Variants in ZFYVE9 observed in about 807,000 individuals in gnomAD.
ZFYVE9 encodes the protein zinc finger FYVE-type containing 9.
Under a neutral mutation model 126.7 loss-of-function variants are expected in ZFYVE9, and 43 were observed. That is an observed-to-expected ratio of 0.34 (90% CI 0.27 to 0.44). The LOEUF is 0.44. Among genes scored for constraint, ZFYVE9 ranks in the 20% least tolerant of loss-of-function variants. ZFYVE9 has a pLI of 1.00. For synonymous variants in ZFYVE9, 521 were observed against 597.4 expected (o/e 0.87, Z 1.87); for missense variants, 1,476 against 1,697.0 (o/e 0.87, Z 2.29).
At position 52,266,837 on chromosome 1, in the gene ZFYVE9, G is replaced by GGATC; in HGVS notation, c.2455+7_2455+10dup. 1 of 1,585,966 alleles carries GGATC rather than the reference G, an allele frequency of 6.3e-7. No individual in the cohort carries two copies. The highest frequency in any genetic ancestry group is 8.6e-7 in the Non-Finnish European group (1 of 1,168,058). On this transcript the variant is annotated splice_region_variant and intron_variant, in intron 6 of 18. Transcript: ENST00000287727. ...AAAGCACCCTGGAGCAGAAGGTAGG[G>GGATC]GATCATGTGCTATTCTCTCTCTTTT...
Position 52,332,792 on chromosome 1 carries a change from A to C in ZFYVE9, c.3463A>C (p.Asn1155His). 6.2e-7 allele frequency: 1 copy of C among 1,614,100 alleles called. No homozygotes were observed. The highest frequency in any genetic ancestry group is 2.2e-5 in the East Asian group (1 of 44,882). The change falls in exon 14 of 19, where the codon AAT (asparagine) becomes CAT (histidine). Residue 1155 changes from asparagine (N) to histidine (H), a missense_variant. Transcript: ENST00000287727. ...GATGATGAAAGCCATGAACAAGTCC[A>C]ATGAGCATGTCCTGGCAGGAGGTGC... ...NEMMKAMNKS[N>H]EHVLAGGACF...
chr1:52,306,128 G>A (rs1646082344), intron 13 of ZFYVE9, among the ~76,000 whole-genome samples: 1 of 152,182 alleles, frequency 6.6e-6, no homozygotes. Flanking sequence ...CCAGTCCCAT[G>A]GACTGTAGTG....
intron 4 of ZFYVE9, among the ~76,000 whole-genome samples, chr1:52,248,880 G>A (rs915511701): frequency 6.6e-6 from 1 of 152,046 alleles, no homozygotes; most frequent in Non-Finnish European, 1.5e-5. Context: ...TTCCATTCCC[G>A]TCAACAATTC....
intron 1 of ZFYVE9, among the ~76,000 whole-genome samples, chr1:52,200,397 T>C (rs974419698): frequency 5.3e-5 from 8 of 152,264 alleles, no homozygotes; most frequent in Non-Finnish European, 8.8e-5. Context: ...CCCATGCTGG[T>C]GTTGAACTCC....
chr1:52,238,769 G>C lies in ZFYVE9; in HGVS notation c.1352G>C (p.Gly451Ala), dbSNP rs1393580746. The change falls in exon 4 of 19, where the codon GGA (glycine) becomes GCA (alanine). Residue 451 changes from glycine (G) to alanine (A), a missense_variant. Gly to Ala is a moderately conservative substitution (Grantham distance 60). This residue lies in a region of ZFYVE9 where 807 missense variants were observed against 794.6 expected (regional missense o/e 1.02). Coordinates refer to ENST00000287727, the MANE Select transcript of ZFYVE9 (RefSeq NM_004799.4). ...GLADAGLDLK[G>A]TCISESEECD... ...GCAGATGCAGGTCTAGATTTAAAAG[G>C]AACTTGCATTAGTGAAAGTGAAGAA... 1 of 1,614,048 alleles carries C rather than the reference G, an allele frequency of 6.2e-7. No homozygotes were observed.
At chr1:52,304,672 T>A (rs1646065576) in intron 13 of ZFYVE9, among the ~76,000 whole-genome samples, 1 of 152,180 alleles carries the variant, frequency 6.6e-6, no homozygotes, top group East Asian at 1.9e-4. Flanking sequence ...GAATAAACAT[T>A]ATGTACTTGG....
At chr1:52,150,784 A>G (rs928471988) in intron 1 of ZFYVE9, among the ~76,000 whole-genome samples, 3 of 151,876 alleles carry the variant, frequency 2.0e-5, no homozygotes, top group African/African-American at 4.8e-5. Flanking sequence ...AAAAAAAAAA[A>G]AAGAAGAAAA....
At chr1:52,342,477 A>G (rs967285809) in intron 17 of ZFYVE9, among the ~76,000 whole-genome samples, 4 of 148,484 alleles carry the variant, frequency 2.7e-5, no homozygotes, top group African/African-American at 1.0e-4. Context: ...TCACCGTGTT[A>G]GCCAGGATGG....
chr1:52,186,234 T>C lies in ZFYVE9; in HGVS notation c.-142-30135T>C, dbSNP rs551502852. Among the ~76,000 whole-genome samples the C allele has an allele frequency of 1.2e-4, 18 of 144,170 alleles. No homozygotes were observed. In the East Asian group the frequency reaches 2.2e-3, roughly 18 times the overall value. 94.6% of individuals were successfully genotyped at this position (144,170 alleles called of 152,430 possible). ...CAGCCTGGGTGACAGAGCGAGACTC[T>C]GTCTCAAAAAAAAAAAAACAAAACA... On this transcript the variant is annotated intron_variant, in intron 1 of 18. Coordinates refer to ENST00000287727, the MANE Select transcript of ZFYVE9 (RefSeq NM_004799.4).
At chr1:52,255,708 C>T (rs1569597216) in intron 4 of ZFYVE9, among the ~76,000 whole-genome samples, 1 of 151,820 alleles carries the variant, frequency 6.6e-6, no homozygotes, top group Non-Finnish European at 1.5e-5. Flanking sequence ...GCTTGGGCAA[C>T]GTGGCAAAAC....
At chr1:52,300,090 C>CT (rs1306880849) in intron 12 of ZFYVE9, among the ~76,000 whole-genome samples, 1 of 152,212 alleles carries the variant, frequency 6.6e-6, no homozygotes, top group African/African-American at 2.4e-5. Flanking sequence ...GCTCCCGTCT[C>CT]TGTGGTGCTA....
chr1:52,228,182 A>G (rs927910184), intron 2 of ZFYVE9, among the ~76,000 whole-genome samples: 1 of 152,100 alleles, frequency 6.6e-6, no homozygotes, highest in South Asian at 2.1e-4. Flanking sequence ...GAGCTGAAGC[A>G]ATCTTCCTGC....
At chr1:52,183,194 GT>G (rs1446145388) in intron 1 of ZFYVE9, among the ~76,000 whole-genome samples, 1 of 152,192 alleles carries the variant, frequency 6.6e-6, no homozygotes, top group Non-Finnish European at 1.5e-5. Context: ...TTTACAGACC[GT>G]AAAAGGGAAA....
intron 1 of ZFYVE9, among the ~76,000 whole-genome samples, chr1:52,184,888 C>T (rs1368147752): frequency 6.6e-6 from 1 of 152,052 alleles, no homozygotes; most frequent in Non-Finnish European, 1.5e-5. Flanking sequence ...GGCACGGTGG[C>T]TCATGCCTGT....
At chr1:52,288,313 A>C (rs1341721447) in intron 10 of ZFYVE9, among the ~76,000 whole-genome samples, 1 of 152,172 alleles carries the variant, frequency 6.6e-6, no homozygotes, top group Admixed American at 6.5e-5. Context: ...TTTGTTTAAG[A>C]GATAGAAGTC....
chr1:52,180,580 T>G (rs907532133), intron 1 of ZFYVE9: 1 of 615,070 alleles, frequency 1.6e-6, no homozygotes, highest in African/African-American at 1.8e-5. Flanking sequence ...CACTTTCTTG[T>G]GACAAATTGT....
chr1:52,188,221 C>T (rs1392528302), intron 1 of ZFYVE9, among the ~76,000 whole-genome samples: 1 of 9,280 alleles, frequency 1.1e-4, no homozygotes, highest in Non-Finnish European at 2.0e-4. Flanking sequence ...GAAACTAATG[C>T]AGGAACAGAA....
intron 1 of ZFYVE9, chr1:52,149,989 G>A (rs1364869198): frequency 6.6e-6 from 1 of 152,104 alleles, no homozygotes; most frequent in Admixed American, 6.5e-5. Context: ...AAAGTTTGCT[G>A]TTTATCTGTG....
intron 13 of ZFYVE9, among the ~76,000 whole-genome samples, chr1:52,331,780 T>A (rs553141749): frequency 6.7e-6 from 1 of 149,734 alleles, no homozygotes; most frequent in Admixed American, 6.6e-5. Context: ...ACTCTTTTTT[T>A]TTTTTTTATT....
Sources: gnomAD v4.1 joint callset for allele counts (sites outside exome capture counted in the v4.1 genomes callset) on GRCh38, gnomAD v4.1.1 for gene constraint, gnomAD v4.1.1 regional missense constraint, MANE v1.5 for transcripts, NCBI Gene and HGNC (gene_info 2026-07-23, HGNC 2026-07-21) for gene names.